Variants in CDCA7L observed in about 807,000 individuals in gnomAD.
CDCA7L encodes cell division cycle-associated 7-like protein.
A neutral mutation model predicts 57.4 loss-of-function variants in CDCA7L; 44 were observed. The observed-to-expected ratio is 0.77, with a 90% CI of 0.60 to 0.98. The LOEUF is 0.98. Among genes scored for constraint, CDCA7L ranks in the 50% least tolerant of loss-of-function variants. CDCA7L has a pLI of 0.00. For missense variants in CDCA7L, 644 were observed against 580.6 expected (o/e 1.11, Z -1.12); for synonymous variants, 236 against 202.8 (o/e 1.16, Z -1.39).
At chr7:21,930,068 G>A (rs1785957686) in intron 1 of CDCA7L, among the ~76,000 whole-genome samples, 1 of 152,138 alleles carries the variant, frequency 6.6e-6, no homozygotes, top group Non-Finnish European at 1.5e-5. Flanking sequence ...ATAACTGGAA[G>A]TAAAACACTC....
At chr7:21,934,522 G>A (rs890316203) in intron 1 of CDCA7L, among the ~76,000 whole-genome samples, 1 of 152,078 alleles carries the variant, frequency 6.6e-6, no homozygotes, top group Non-Finnish European at 1.5e-5. Flanking sequence ...AAAAGCCATA[G>A]GATATACAGA....
chr7:21,922,910 A>C (rs1432299063), intron 1 of CDCA7L, among the ~76,000 whole-genome samples: 1 of 152,232 alleles, frequency 6.6e-6, no homozygotes, highest in Non-Finnish European at 1.5e-5. Flanking sequence ...ATAATAACCC[A>C]GTCTCGATAA....
chr7:21,901,442 G>A lies in CDCA7L; in HGVS notation c.*880C>T. The A allele has an allele frequency of 1.3e-6, 1 of 746,106 alleles. No homozygotes were observed. Among genetic ancestry groups the A allele is most frequent in the Non-Finnish European group, 1.9e-6 (1 of 533,520 alleles). The allele number at this position is 746,106 out of a possible 1,614,324, so 46.2% of individuals were successfully genotyped here. On this transcript the variant is annotated 3_prime_UTR_variant, in exon 10 of 10. Transcript: ENST00000406877. ...AACTAACTCAGGGCTGAGCGTGGTG[G>A]CACACGACTGTAATCCCAGTTACTC...
chr7:21,914,704 G>T (rs996191466), intron 2 of CDCA7L, among the ~76,000 whole-genome samples: 1 of 152,174 alleles, frequency 6.6e-6, no homozygotes, highest in Non-Finnish European at 1.5e-5. Context: ...TCCCAGCTTG[G>T]TACTTCCCAG....
At chr7:21,907,057 T>C (rs1164893456) in intron 4 of CDCA7L, among the ~76,000 whole-genome samples, 1 of 152,210 alleles carries the variant, frequency 6.6e-6, no homozygotes, top group Non-Finnish European at 1.5e-5. Flanking sequence ...GATGGTTATT[T>C]AGAACTCCAA....
intron 8 of CDCA7L, 184 bp downstream of exon 8, chr7:21,903,926 A>G: frequency 2.0e-6 from 1 of 494,586 alleles, no homozygotes; most frequent in East Asian, 3.3e-5. Flanking sequence ...TTCACTGGTC[A>G]GCTTGCTCTC....
rs550478071 is a variant in CDCA7L, at chr7:21,926,706, A to AG, written c.25-9813_25-9812insC. On this transcript the variant is annotated intron_variant, in intron 1 of 9. Coordinates refer to ENST00000406877, the MANE Select transcript of CDCA7L (RefSeq NM_018719.5). ...CAATGTAGCAAGACCCCATCTCAAAAAAAAAAATGTTTTTTAATTACCTAG... is the reference window on the plus strand; with the variant it reads ...CAATGTAGCAAGACCCCATCTCAAAAGAAAAAAATGTTTTTTAATTACCTAG... Among the ~76,000 whole-genome samples, 63 of 151,706 alleles carry AG rather than the reference A, an allele frequency of 4.2e-4. No homozygotes were observed. In the South Asian group the frequency reaches 8.8e-3, roughly 21 times the overall value.
At chr7:21,935,573 C>A (rs1786135921) in intron 1 of CDCA7L, among the ~76,000 whole-genome samples, 2 of 137,894 alleles carry the variant, frequency 1.5e-5, no homozygotes, top group Admixed American at 7.9e-5. Context: ...AGAGAAAAAT[C>A]AATGAAGCCA....
chr7:21,909,560 AT>A (rs1481757573), intron 3 of CDCA7L, among the ~76,000 whole-genome samples: 1 of 152,214 alleles, frequency 6.6e-6, no homozygotes, highest in East Asian at 1.9e-4. Context: ...ACCCTGGTAT[AT>A]CCACACCAAG....
At position 21,908,653 on chromosome 7, in the gene CDCA7L, T is replaced by C. The variant is rs375421389; in HGVS notation, c.304-146A>G. 9.9e-6 allele frequency: 9 copies of C among 908,480 alleles called. 1 individual carries two copies. Among genetic ancestry groups the C allele is most frequent in the East Asian group, 8.6e-5 (3 of 34,878 alleles). 56.3% of individuals were successfully genotyped at this position (908,480 alleles called of 1,614,324 possible). A position where few individuals can be genotyped will look rare whatever the true frequency, so the allele number is the denominator to read the frequency against. On this transcript the variant is annotated intron_variant, in intron 3 of 9. Coordinates refer to ENST00000406877, the MANE Select transcript of CDCA7L (RefSeq NM_018719.5). ...TCATATTATGAGTTCCCTCTGAATT[T>C]CCTTTAAATGTGCAAGAAATTGGTT...
intron 1 of CDCA7L, among the ~76,000 whole-genome samples, chr7:21,925,439 C>G (rs774164455): frequency 6.6e-6 from 1 of 152,190 alleles, no homozygotes; most frequent in Non-Finnish European, 1.5e-5. Context: ...GAACCCAAGG[C>G]TTCAGAAACT....
In CDCA7L at chr7:21,906,587, C is replaced by T. The variant is rs771556634; in HGVS notation, c.734G>A (p.Arg245Gln). The T allele has an allele frequency of 5.6e-6, 9 of 1,613,934 alleles. No homozygotes were observed. The highest frequency in any genetic ancestry group is 1.7e-5 in the Admixed American group (1 of 59,994). Residue 245 changes from arginine to glutamine, a missense_variant, in exon 5 of 10, where the codon CGA becomes CAA. Transcript: ENST00000406877. ...ACTTACAGAAGCTGAGGTTGGGGTTCGTACTGGGAAGAAATCTGGCATCGA... is the reference window on the plus strand; with the variant it reads ...ACTTACAGAAGCTGAGGTTGGGGTTTGTACTGGGAAGAAATCTGGCATCGA... ...LNSMPDFFPV[R>Q]TPTSASRKKT...
At chr7:21,912,415 A>C (rs966495298) in intron 2 of CDCA7L, among the ~76,000 whole-genome samples, 1 of 152,172 alleles carries the variant, frequency 6.6e-6, no homozygotes, top group Admixed American at 6.5e-5. Flanking sequence ...TCAGCTTCTA[A>C]TGTGACTGGT....
In CDCA7L at chr7:21,921,342, C is replaced by CAAA. The variant is rs5882833; in HGVS notation, c.25-4451_25-4449dup. The stretch of plus-strand genomic sequence containing the variant: ...GATAGTCACAAGCTTCAAGATTTGC[C>CAAA]AAAAAAAAAAAAAAAACTGTAAAAT... On this transcript the variant is annotated intron_variant, in intron 1 of 9. Coordinates refer to ENST00000406877, the MANE Select transcript of CDCA7L (RefSeq NM_018719.5). Among the ~76,000 whole-genome samples, 773 of 121,966 alleles carry CAAA rather than the reference C, an allele frequency of 6.3e-3. 42 individuals carry two copies. The highest frequency in any genetic ancestry group is 0.02 in the African/African-American group (637 of 31,902). 80.0% of individuals were successfully genotyped at this position (121,966 alleles called of 152,430 possible).
At chr7:21,936,067 A>C (rs1420333980) in intron 1 of CDCA7L, among the ~76,000 whole-genome samples, 1 of 152,204 alleles carries the variant, frequency 6.6e-6, no homozygotes, top group East Asian at 1.9e-4. Flanking sequence ...ACCGTATGCC[A>C]ACAAATTGGA....
Position 21,906,332 on chromosome 7 carries a change from A to G in CDCA7L, c.878T>C (p.Phe293Ser), listed in dbSNP as rs770546760. Reference protein sequence around the residue: ...LENFTVSAAKFAEEFYSFRRR... With the variant: ...LENFTVSAAKSAEEFYSFRRR... ...TCGGAAGCTGTAAAACTCTTCCGCA[A>G]ATTTAGCGGCTGAGACAGTGAAGTT... The change falls in exon 6 of 10, where the codon TTT (phenylalanine) becomes TCT (serine). Residue 293 changes from phenylalanine (F) to serine (S), a missense_variant. Physicochemically the swap from Phe to Ser is radical, Grantham distance 155. Transcript: ENST00000406877. 2 of 1,610,018 alleles carry G rather than the reference A, an allele frequency of 1.2e-6. No individual in the cohort carries two copies. Among genetic ancestry groups the G allele is most frequent in the African/African-American group, 2.7e-5 (2 of 74,546 alleles).
intron 1 of CDCA7L, among the ~76,000 whole-genome samples, chr7:21,931,928 A>G (rs1335431211): frequency 6.6e-6 from 1 of 152,218 alleles, no homozygotes; most frequent in Non-Finnish European, 1.5e-5. Flanking sequence ...CTCAGCCCCA[A>G]AACTCCTCAA....
In CDCA7L at chr7:21,925,007, G is replaced by A. The variant is rs770616292; in HGVS notation, c.25-8113C>T. Among the ~76,000 whole-genome samples, 5 of 152,218 alleles carry A rather than the reference G, an allele frequency of 3.3e-5. No individual in the cohort carries two copies. In the South Asian group the frequency reaches 6.2e-4, roughly 19 times the overall value. ...AATGGGGAGGACTTTCACCAATCAC[G>A]TAAAGGAGACCAAAATGGAAAAGTA... On this transcript the variant is annotated intron_variant, in intron 1 of 9. Coordinates refer to ENST00000406877, the MANE Select transcript of CDCA7L (RefSeq NM_018719.5).
rs1370696949 is a variant in CDCA7L, at chr7:21,908,224, G to A, written c.587C>T (p.Thr196Ile). 6.8e-6 allele frequency: 11 copies of A among 1,612,888 alleles called. No individual in the cohort carries two copies. Among genetic ancestry groups the A allele is most frequent in the African/African-American group, 1.3e-5 (1 of 74,780 alleles). Residue 196 changes from threonine (T) to isoleucine (I), a missense_variant, in exon 4 of 10, where the codon ACC becomes ATC. Transcript: ENST00000406877. ...CCGAGAGTCATCCTCAGACTCAGAG[G>A]TAGAATCTTCCCTTTGTATCACCTG... ...CRQVIQREDS[T>I]SESEDDSRDE...
Sources: allele counts gnomAD v4.1 joint callset (sites outside exome capture counted in the v4.1 genomes callset), GRCh38; gene constraint gnomAD v4.1.1; transcripts MANE v1.5; gene names NCBI Gene and HGNC (gene_info 2026-07-23, HGNC 2026-07-21).